The following GRIK2 variants were observed in gnomAD, a reference collection of about 807,000 sequenced individuals.
GRIK2 encodes the protein glutamate ionotropic receptor kainate type subunit 2.
Under a neutral mutation model 100.3 loss-of-function variants are expected in GRIK2, and 32 were observed. The ratio of observed to expected loss-of-function variants is 0.32; its 90% CI spans 0.24 to 0.43. GRIK2 has a LOEUF of 0.43. Ranked by LOEUF, GRIK2 falls within the 20% of genes least tolerant of loss-of-function variation. The probability of loss-of-function intolerance (pLI) is 1.00; values close to 1 mark genes in which losing one functional copy is unlikely to be tolerated. For missense variants in GRIK2, 843 were observed against 1,114.9 expected (o/e 0.76, Z 3.47); for synonymous variants, 417 against 389.4 (o/e 1.07, Z -0.83).
chr6:101,539,345 A>AATCTAAACT (rs1300060137), intron 2 of GRIK2, among the ~76,000 whole-genome samples: 1 of 151,806 alleles, frequency 6.6e-6, no homozygotes, highest in Admixed American at 6.6e-5. Flanking sequence ...AAAGTACTGT[A>AATCTAAACT]ATCTAAACTC....
chr6:101,466,163 T>G lies in GRIK2; in HGVS notation c.115+66771T>G, dbSNP rs534449070. On this transcript the variant is annotated intron_variant, in intron 2 of 16. Transcript: ENST00000369134. ...CAAAGTGTTTCTTTCTGGGTCATGG[T>G]CTCTTCACCTTGAAACTCCTTAAAC... Among the ~76,000 whole-genome samples the G allele has an allele frequency of 2.0e-5, 3 of 152,276 alleles. No individual in the cohort carries two copies. The East Asian group carries it at 5.8e-4, about 29-fold the overall frequency.
chr6:101,560,350 C>A (rs947681197), intron 2 of GRIK2, among the ~76,000 whole-genome samples: 2 of 151,878 alleles, frequency 1.3e-5, no homozygotes, highest in Non-Finnish European at 2.9e-5. Context: ...TTTGTAGTTA[C>A]TTTTATTTGT....
chr6:101,534,084 TA>T (rs1034920624), intron 2 of GRIK2, among the ~76,000 whole-genome samples: 2 of 151,780 alleles, frequency 1.3e-5, no homozygotes, highest in Non-Finnish European at 2.9e-5. Flanking sequence ...CCTCAATCAC[TA>T]AAGTTATGGA....
chr6:101,911,143 T>C (rs1218532672), intron 12 of GRIK2, among the ~76,000 whole-genome samples: 3 of 151,346 alleles, frequency 2.0e-5, no homozygotes, highest in Non-Finnish European at 3.0e-5. Flanking sequence ...AAACTACATC[T>C]GGAAAAGTCA....
chr6:102,068,513 G>C lies in GRIK2; in HGVS notation c.*2G>C. On this transcript the variant is annotated 3_prime_UTR_variant, in exon 17 of 17. Coordinates refer to ENST00000369134, the MANE Select transcript of GRIK2 (RefSeq NM_021956.5). ...CCAGGTAAAGAAACCATGGCATAAA[G>C]CTGGGAGGCCAAACACCCAAGCACA... 6.2e-7 allele frequency: 1 copy of C among 1,610,100 alleles called. No homozygotes were observed. Among genetic ancestry groups the C allele is most frequent in the Non-Finnish European group, 8.5e-7 (1 of 1,177,606 alleles).
intron 2 of GRIK2, among the ~76,000 whole-genome samples, chr6:101,613,171 G>T (rs1025033056): frequency 5.5e-4 from 83 of 151,838 alleles, no homozygotes; most frequent in East Asian, 1.9e-4. Context: ...AAGGTTTACA[G>T]TGACATTCCT....
At chr6:101,829,522 A>T (rs548669819) in intron 10 of GRIK2, among the ~76,000 whole-genome samples, 74 of 152,132 alleles carry the variant, frequency 4.9e-4, no homozygotes, top group Non-Finnish European at 9.3e-4. Context: ...GGACTCATAG[A>T]CCTGATAAAT....
intron 14 of GRIK2, among the ~76,000 whole-genome samples, chr6:101,948,185 A>T (rs1165219133): frequency 1.3e-5 from 2 of 152,062 alleles, no homozygotes; most frequent in African/African-American, 4.8e-5. Flanking sequence ...AGGAAAACGG[A>T]GTTAAGTTTT....
At chr6:101,888,676 G>A (rs759839213) in intron 11 of GRIK2, among the ~76,000 whole-genome samples, 1 of 151,966 alleles carries the variant, frequency 6.6e-6, no homozygotes, top group Admixed American at 6.6e-5. Flanking sequence ...AAGTTTCTTC[G>A]TTAAGTCCTT....
intron 4 of GRIK2, among the ~76,000 whole-genome samples, chr6:101,644,528 T>A (rs1056543195): frequency 6.6e-6 from 1 of 151,766 alleles, no homozygotes; most frequent in Non-Finnish European, 1.5e-5. Context: ...CCAGCAGCCC[T>A]GTAGAAGAGG....
At chr6:101,606,169 A>C (rs1207691500) in intron 2 of GRIK2, among the ~76,000 whole-genome samples, 1 of 151,992 alleles carries the variant, frequency 6.6e-6, no homozygotes, top group Non-Finnish European at 1.5e-5. Flanking sequence ...AGACAGGTAC[A>C]TGACTCAAAC....
intron 10 of GRIK2, among the ~76,000 whole-genome samples, chr6:101,833,035 G>A (rs545306041): frequency 6.6e-6 from 1 of 152,246 alleles, no homozygotes; most frequent in African/African-American, 2.4e-5. Flanking sequence ...TATTGGGATA[G>A]ATTTCTGTGG....
At chr6:101,845,615 A>G (rs929583819) in intron 10 of GRIK2, among the ~76,000 whole-genome samples, 4 of 152,226 alleles carry the variant, frequency 2.6e-5, no homozygotes, top group Admixed American at 6.5e-5. Flanking sequence ...AAGTTCTGCT[A>G]TGCACATTGG....
chr6:101,397,246 A>AT (rs1037087274), intron 1 of GRIK2, among the ~76,000 whole-genome samples: 44 of 152,274 alleles, frequency 2.9e-4, no homozygotes, highest in African/African-American at 6.7e-4. Context: ...GTGAAGGATT[A>AT]TTTTTTTCCC....
chr6:101,513,275 T>C (rs938737840), intron 2 of GRIK2, among the ~76,000 whole-genome samples: 1 of 152,150 alleles, frequency 6.6e-6, no homozygotes, highest in African/African-American at 2.4e-5. Flanking sequence ...GTTTGACAAT[T>C]GGTTGAGTTT....
intron 10 of GRIK2, among the ~76,000 whole-genome samples, chr6:101,842,769 A>G (rs1783592250): frequency 6.6e-6 from 1 of 152,192 alleles, no homozygotes; most frequent in South Asian, 2.1e-4. Flanking sequence ...TTTTACATGC[A>G]TATTCAGTGA....
chr6:101,516,756 A>G (rs190968795), intron 2 of GRIK2, among the ~76,000 whole-genome samples: 267 of 152,274 alleles, frequency 1.8e-3, no homozygotes, highest in Non-Finnish European at 2.5e-3. Context: ...ATTCAGTTAG[A>G]AATTTGGCTG....
intron 7 of GRIK2, among the ~76,000 whole-genome samples, chr6:101,773,196 G>A (rs1778511019): frequency 6.6e-6 from 1 of 151,992 alleles, no homozygotes; most frequent in Admixed American, 6.6e-5. Flanking sequence ...AAATAGTGAA[G>A]AGGGCCAGGT....
At chr6:102,063,678 CAAT>C (rs1404262408) in intron 16 of GRIK2, among the ~76,000 whole-genome samples, 2 of 149,598 alleles carry the variant, frequency 1.3e-5, no homozygotes, top group African/African-American at 4.9e-5. Flanking sequence ...GTAACATCAA[CAAT>C]GATATTCTTG....
Sources: allele counts gnomAD v4.1 joint callset (sites outside exome capture counted in the v4.1 genomes callset), GRCh38; gene constraint gnomAD v4.1.1; transcripts MANE v1.5; gene names NCBI Gene and HGNC (gene_info 2026-07-23, HGNC 2026-07-21).